The following BICDL1 variants were observed in gnomAD, a reference collection of about 807,000 sequenced individuals.
The protein encoded by BICDL1 is BICD family-like cargo adapter 1.
BICDL1 carries 20 observed loss-of-function variants against 76.8 expected under a neutral mutation model. That is an observed-to-expected ratio of 0.26 (90% confidence interval 0.18 to 0.38). The LOEUF is 0.38. Ranked by LOEUF, BICDL1 falls within the 10% of genes least tolerant of loss-of-function variation. The pLI, the probability that BICDL1 is intolerant of heterozygous loss-of-function variation, is 1.00. For synonymous variants in BICDL1, 383 were observed against 337.1 expected, an observed-to-expected ratio of 1.14 and a Z score of -1.49; for missense variants, 700 against 798.6, an observed-to-expected ratio of 0.88 and a Z score of 1.49.
intron 2 of BICDL1, among the ~76,000 whole-genome samples, chr12:120,052,909 A>T (rs1045752758): frequency 6.8e-6 from 1 of 147,006 alleles, no homozygotes; most frequent in Non-Finnish European, 1.5e-5. Context: ...GTAGCTGGGC[A>T]CTACGGACTA....
chr12:120,034,622 G>T (rs910605458), intron 2 of BICDL1, among the ~76,000 whole-genome samples: 5 of 152,222 alleles, frequency 3.3e-5, no homozygotes, highest in Admixed American at 6.5e-5. Flanking sequence ...CCAAGGATCA[G>T]GAGTTAGCAT....
chr12:119,997,567 A>T (rs1416048239), intron 1 of BICDL1, among the ~76,000 whole-genome samples: 1 of 152,190 alleles, frequency 6.6e-6, no homozygotes, highest in Non-Finnish European at 1.5e-5. Context: ...ACATTGCTAT[A>T]TATAGCAACA....
At chr12:120,081,221 T>C (rs1237327375) in intron 8 of BICDL1, among the ~76,000 whole-genome samples, 1 of 139,052 alleles carries the variant, frequency 7.2e-6, no homozygotes, top group Non-Finnish European at 1.5e-5. Context: ...AGCTGTGCAT[T>C]TTTTGCAGCT....
chr12:120,058,122 C>T (rs1211073978), intron 2 of BICDL1, among the ~76,000 whole-genome samples: 2 of 152,022 alleles, frequency 1.3e-5, no homozygotes, highest in East Asian at 1.9e-4. Flanking sequence ...CATGAGCCAC[C>T]GCGCCTGGCC....
At chr12:120,021,934 AAAAAATAAAATAAT>A (rs924709793) in intron 2 of BICDL1, among the ~76,000 whole-genome samples, 4 of 149,468 alleles carry the variant, frequency 2.7e-5, no homozygotes, top group South Asian at 4.1e-4. Flanking sequence ...AAAATAAATA[AAAAAATAAAATAAT>A]AAAAATAAAA....
Position 119,990,015 on chromosome 12 carries a change from CG to C in BICDL1, c.151del (p.Glu51SerfsTer2). On this transcript the variant is annotated frameshift_variant, in exon 1 of 10. Coordinates refer to ENST00000548673, the MANE Select transcript of BICDL1 (RefSeq NM_001367886.1). LOFTEE classifies it high-confidence loss of function. ...CCGCCCTCATCTTCCCCGGGGGCTC[CG>C]GGGAGCTAGAACTGGCGTTAGAGGA... ...AAALIFPGGS[G>X]ELELALEEEL... The C allele has an allele frequency of 6.7e-7, 1 of 1,495,674 alleles. No individual in the cohort carries two copies. Among genetic ancestry groups the C allele is most frequent in the Non-Finnish European group, 8.8e-7 (1 of 1,133,812 alleles). The allele number at this position is 1,495,674 out of a possible 1,614,324, so 92.7% of individuals were successfully genotyped here.
intron 2 of BICDL1, among the ~76,000 whole-genome samples, chr12:120,008,150 C>CTTT (rs71072590): frequency 1.3e-4 from 8 of 61,708 alleles, no homozygotes; most frequent in Admixed American, 2.4e-4. Flanking sequence ...ATTACTCTTT[C>CTTT]TTTTTTTTTT....
At chr12:120,054,784 G>A (rs1451231569) in intron 2 of BICDL1, among the ~76,000 whole-genome samples, 1 of 152,136 alleles carries the variant, frequency 6.6e-6, no homozygotes, top group East Asian at 1.9e-4. Context: ...GAAGGCTGAG[G>A]CAGGAGAATC....
chr12:119,998,774 A>G (rs901594151), intron 2 of BICDL1, 38 bp downstream of exon 2: 16 of 1,575,424 alleles, frequency 1.0e-5, no homozygotes, highest in Non-Finnish European at 7.8e-6. Context: ...GTAAAATACT[A>G]AAAGTTGAAA....
At chr12:120,077,096 G>C (rs963015226) in intron 7 of BICDL1, among the ~76,000 whole-genome samples, 4 of 152,220 alleles carry the variant, frequency 2.6e-5, no homozygotes, top group African/African-American at 9.6e-5. Context: ...TCATCTGATG[G>C]CTGACCCAGC....
chr12:120,066,338 G>T (rs1433532678), intron 4 of BICDL1, among the ~76,000 whole-genome samples: 1 of 152,194 alleles, frequency 6.6e-6, no homozygotes, highest in Non-Finnish European at 1.5e-5. Context: ...TACAGTATGG[G>T]AGGAGAAGGA....
chr12:120,044,700 A>G (rs1952711685), intron 2 of BICDL1, among the ~76,000 whole-genome samples: 1 of 152,116 alleles, frequency 6.6e-6, no homozygotes, highest in African/African-American at 2.4e-5. Context: ...CAGGTTTGTC[A>G]AAGATCAGAT....
chr12:120,059,481 G>A (rs1172525504), intron 2 of BICDL1, among the ~76,000 whole-genome samples: 4 of 151,964 alleles, frequency 2.6e-5, no homozygotes, highest in Admixed American at 1.3e-4. Context: ...TCACCATGTT[G>A]GCCAAGCTGG....
At chr12:119,991,883 A>G (rs1157675370) in intron 1 of BICDL1, among the ~76,000 whole-genome samples, 1 of 152,222 alleles carries the variant, frequency 6.6e-6, no homozygotes, top group African/African-American at 2.4e-5. Flanking sequence ...AAAAGGTTGT[A>G]TTGTAAAAGA....
At chr12:120,092,318 A>T (rs1427061780) in intron 9 of BICDL1, 1 of 985,268 alleles carries the variant, frequency 1.0e-6, no homozygotes, top group Non-Finnish European at 1.2e-6. Flanking sequence ...GAGTTGGGGG[A>T]CGGTCCTACC....
At position 119,990,416 on chromosome 12, in the gene BICDL1, T is replaced by C. The variant is rs1052753042; in HGVS notation, c.429+119T>C. ...GTTGCTCACCCTACCTCGCAGAAAA[T>C]CTGGAATGAATGGGGGAGGGAGGAT... On this transcript the variant is annotated intron_variant, in intron 1 of 9. Transcript: ENST00000548673. 2.0e-6 allele frequency: 3 copies of C among 1,487,590 alleles called. No individual in the cohort carries two copies. In the African/African-American group the frequency reaches 4.3e-5, roughly 21 times the overall value. The allele number at this position is 1,487,590 out of a possible 1,614,324, so 92.1% of individuals were successfully genotyped here. A position where few individuals can be genotyped will look rare whatever the true frequency, so the allele number is the denominator to read the frequency against.
At position 120,071,927 on chromosome 12, in the gene BICDL1, C is replaced by G; in HGVS notation, c.1089+126C>G. 1 of 1,397,076 alleles carries G rather than the reference C, an allele frequency of 7.2e-7. No individual in the cohort carries two copies. Among genetic ancestry groups the G allele is most frequent in the Non-Finnish European group, 9.3e-7 (1 of 1,075,480 alleles). 86.5% of individuals were successfully genotyped at this position (1,397,076 alleles called of 1,614,324 possible). A position where few individuals can be genotyped will look rare whatever the true frequency, so the allele number is the denominator to read the frequency against. ...CCTGTGCCTGTGTCAGCCCCTTGGC[C>G]TGCTGGCTAGAGTGTCATGAAGCAG... On this transcript the variant is annotated intron_variant, in intron 5 of 9. Transcript: ENST00000548673. The surrounding 1 kb of genome is among the most constrained non-coding windows in gnomAD (Gnocchi z 4.8).
intron 6 of BICDL1, among the ~76,000 whole-genome samples, chr12:120,073,553 G>C (rs1233227944): frequency 6.6e-6 from 1 of 152,196 alleles, no homozygotes; most frequent in Non-Finnish European, 1.5e-5. Flanking sequence ...GGAGAGGACT[G>C]TTCCCGTGGG....
intron 1 of BICDL1, 22 bp downstream of exon 1, chr12:119,990,319 T>C (rs1176188206): frequency 1.3e-6 from 2 of 1,550,712 alleles, no homozygotes; most frequent in South Asian, 1.2e-5. Context: ...CCTCCAGGGA[T>C]GGGTGGGGAG....
Sources: gnomAD v4.1 joint callset for allele counts (sites outside exome capture counted in the v4.1 genomes callset) on GRCh38, gnomAD v4.1.1 for gene constraint, Gnocchi (gnomAD v3.1) non-coding constraint, MANE v1.5 for transcripts, NCBI Gene and HGNC (gene_info 2026-07-23, HGNC 2026-07-21) for gene names.